SMPX: variants seen among roughly 807,000 people sequenced by gnomAD.
SMPX encodes the protein small muscular protein.
SMPX carries 2 observed loss-of-function variants against 6.3 expected under a neutral mutation model. The ratio of observed to expected loss-of-function variants is 0.32; its 90% CI spans 0.13 to 0.99. The LOEUF is 0.99. Ranked by LOEUF, SMPX falls within the 50% of genes least tolerant of loss-of-function variation. The probability of loss-of-function intolerance (pLI) is 0.49; values close to 1 mark genes in which losing one functional copy is unlikely to be tolerated. For missense variants in SMPX, 60 were observed against 66.8 expected, an observed-to-expected ratio of 0.90 and a Z score of 0.36; for synonymous variants, 32 against 24.7, an observed-to-expected ratio of 1.30 and a Z score of -0.88.
intron 2 of SMPX, among the ~76,000 whole-genome samples, chrX:21,750,335 C>T (rs900867243): frequency 4.5e-5 from 5 of 111,759 alleles, no homozygotes; most frequent in Admixed American, 1.9e-4. Flanking sequence ...AGACCAGAAC[C>T]GGAGTTGGCA....
chrX:21,728,298 T>C (rs1164781063), intron 4 of SMPX, among the ~76,000 whole-genome samples: 1 of 99,716 alleles, frequency 1.0e-5, no homozygotes, highest in African/African-American at 3.6e-5. Flanking sequence ...TTTATGGGCA[T>C]TAACTCTTCC....
chrX:21,729,718 A>G (rs919180617), intron 4 of SMPX, among the ~76,000 whole-genome samples: 2 of 111,647 alleles, frequency 1.8e-5, no homozygotes, highest in Non-Finnish European at 3.8e-5. Flanking sequence ...TCTGGTCTCA[A>G]GTCTACTCCC....
chrX:21,709,604 A>G (rs2092776384), intron 4 of SMPX, among the ~76,000 whole-genome samples: 1 of 112,095 alleles, frequency 8.9e-6, no homozygotes, highest in Non-Finnish European at 1.9e-5. Context: ...CACATTCTTC[A>G]ATGTGAGTCA....
chrX:21,742,406 G>A (rs1019295084), intron 3 of SMPX, among the ~76,000 whole-genome samples: 2 of 111,819 alleles, frequency 1.8e-5, no homozygotes, highest in African/African-American at 6.5e-5. Flanking sequence ...TCATGCCCTC[G>A]CAGTGACCCT....
chrX:21,728,900 T>C (rs2092800400), intron 4 of SMPX, among the ~76,000 whole-genome samples: 1 of 112,316 alleles, frequency 8.9e-6, no homozygotes, highest in Non-Finnish European at 1.9e-5. Flanking sequence ...GTACCAGGCA[T>C]ATCACAAGCA....
At chrX:21,734,527 A>G (rs2092808455) in intron 4 of SMPX, among the ~76,000 whole-genome samples, 1 of 111,840 alleles carries the variant, frequency 8.9e-6, no homozygotes, top group South Asian at 3.7e-4. Flanking sequence ...TTCTTAAGTC[A>G]CCATCTGGCT....
At chrX:21,747,104 A>G (rs2092822300) in intron 2 of SMPX, among the ~76,000 whole-genome samples, 1 of 112,051 alleles carries the variant, frequency 8.9e-6, no homozygotes, top group Non-Finnish European at 1.9e-5. Context: ...TTATGAAATA[A>G]TAAACAAACA....
chrX:21,743,856 A>G lies in SMPX; in HGVS notation c.46-20T>C. ...ATTTGCCTAAAAGAGAAAACAGGGT[A>G]GGTTTAGCTCAAAAAAAGTAAGAAA... On this transcript the variant is annotated intron_variant, in intron 2 of 4. Coordinates refer to ENST00000379494, the MANE Select transcript of SMPX (RefSeq NM_014332.3). The G allele has an allele frequency of 8.9e-7, 1 of 1,127,035 alleles. No homozygotes were observed. Among genetic ancestry groups the G allele is most frequent in the Admixed American group, 2.2e-5 (1 of 45,911 alleles). 92.9% of individuals were successfully genotyped at this position (1,127,035 alleles called of 1,213,427 possible). A position where few individuals can be genotyped will look rare whatever the true frequency, so the allele number is the denominator to read the frequency against.
At chrX:21,751,631 G>A (rs2092827582) in intron 2 of SMPX, among the ~76,000 whole-genome samples, 1 of 111,921 alleles carries the variant, frequency 8.9e-6, no homozygotes, top group Non-Finnish European at 1.9e-5. Context: ...TCATCTCAGG[G>A]ATCAGGGATC....
chrX:21,744,410 G>T (rs996229260), intron 2 of SMPX, among the ~76,000 whole-genome samples: 2 of 111,750 alleles, frequency 1.8e-5, no homozygotes, highest in African/African-American at 6.5e-5. Context: ...AGTAAAGAGG[G>T]TGCTTGGAAA....
At chrX:21,707,662 G>C (rs1027080783) in intron 4 of SMPX, among the ~76,000 whole-genome samples, 1 of 112,337 alleles carries the variant, frequency 8.9e-6, no homozygotes, top group Non-Finnish European at 1.9e-5. Context: ...CAGAAATGAT[G>C]GTGTACCAGT....
At chrX:21,709,401 C>CCT (rs374917008) in intron 4 of SMPX, among the ~76,000 whole-genome samples, 178 of 112,346 alleles carry the variant, frequency 1.6e-3, no homozygotes, top group African/African-American at 5.5e-3. Context: ...TCATCTCACT[C>CCT]CTCATGTTTC....
intron 1 of SMPX, 143 bp downstream of exon 1, chrX:21,757,798 AT>A (rs1222989860): frequency 7.6e-6 from 2 of 262,899 alleles, no homozygotes; most frequent in African/African-American, 5.7e-5. Flanking sequence ...AGAATCAGCA[AT>A]ACCACCAATG....
intron 2 of SMPX, among the ~76,000 whole-genome samples, chrX:21,747,770 G>A (rs1189035552): frequency 2.7e-5 from 3 of 111,179 alleles, no homozygotes; most frequent in South Asian, 7.7e-4. Flanking sequence ...AACCCACTGT[G>A]AGTTTTCTGA....
chrX:21,745,279 T>C (rs2092820204), intron 2 of SMPX, among the ~76,000 whole-genome samples: 1 of 111,804 alleles, frequency 8.9e-6, no homozygotes, highest in East Asian at 2.8e-4. Context: ...GGCTGAGCTT[T>C]CTATGCTATT....
At chrX:21,754,008 A>T (rs1461653644) in intron 2 of SMPX, among the ~76,000 whole-genome samples, 2 of 112,824 alleles carry the variant, frequency 1.8e-5, no homozygotes, top group African/African-American at 6.4e-5. Context: ...TTTTTAGAAG[A>T]TAATTTAATT....
Position 21,754,304 on chromosome X carries a change from T to C in SMPX, c.-12-2A>G. The C allele has an allele frequency of 8.4e-7, 1 of 1,195,645 alleles. No individual in the cohort carries two copies. Among genetic ancestry groups the C allele is most frequent in the Non-Finnish European group, 1.1e-6 (1 of 880,746 alleles). On this transcript the variant is annotated splice_acceptor_variant, in intron 1 of 4. Transcript: ENST00000379494. LOFTEE classifies it low-confidence loss of function (5UTR_SPLICE). Reference sequence around the variant, plus strand: ...CGACATATTCATGCAGTCTTATCCCTAAAAAAACAAGTAAGAAACTGTTAG... The same window carrying C: ...CGACATATTCATGCAGTCTTATCCCCAAAAAAACAAGTAAGAAACTGTTAG...
chrX:21,715,301 T>TGTGTGTGC (rs2092783351), intron 4 of SMPX, among the ~76,000 whole-genome samples: 1 of 87,609 alleles, frequency 1.1e-5, no homozygotes, highest in Admixed American at 1.1e-4. Context: ...TGTGTGTGTG[T>TGTGTGTGC]GTGCGCGCAC....
At chrX:21,720,012 T>G (rs780667391) in intron 4 of SMPX, among the ~76,000 whole-genome samples, 5 of 112,083 alleles carry the variant, frequency 4.5e-5, no homozygotes, top group Non-Finnish European at 9.4e-5. Flanking sequence ...ACCTCGGTTT[T>G]ATCATCTAAA....
Sources: gnomAD v4.1 joint callset for allele counts (sites outside exome capture counted in the v4.1 genomes callset) on GRCh38, gnomAD v4.1.1 for gene constraint, MANE v1.5 for transcripts, NCBI Gene and HGNC (gene_info 2026-07-23, HGNC 2026-07-21) for gene names.